Variants in MIA2 observed in about 807,000 individuals in gnomAD.
MIA2 encodes MIA SH3 domain ER export factor 2, also known as melanoma inhibitory activity protein 2.
MIA2 carries 127 observed loss-of-function variants against 167.8 expected under a neutral mutation model. The ratio of observed to expected loss-of-function variants is 0.76; its 90% CI spans 0.66 to 0.88. The LOEUF (loss-of-function observed/expected upper bound fraction) is 0.88, where lower values mean the gene tolerates loss of function less well. Among genes scored for constraint, MIA2 ranks in the 40% least tolerant of loss-of-function variants. The probability of loss-of-function intolerance (pLI) is 0.00; values close to 1 mark genes in which losing one functional copy is unlikely to be tolerated. For missense variants in MIA2, 1,690 were observed against 1,624.7 expected (o/e 1.04, Z -0.69); for synonymous variants, 552 against 541.9 (o/e 1.02, Z -0.26).
chr14:39,243,932 G>C (rs889751522), intron 3 of MIA2, among the ~76,000 whole-genome samples: 2 of 152,208 alleles, frequency 1.3e-5, no homozygotes, highest in Non-Finnish European at 2.9e-5. Context: ...TTTATGCTTA[G>C]CTTCAATAAA....
At chr14:39,371,661 G>A (rs1172968840) in intron 23 of MIA2, among the ~76,000 whole-genome samples, 1 of 152,192 alleles carries the variant, frequency 6.6e-6, no homozygotes, top group African/African-American at 2.4e-5. Flanking sequence ...GAGCAGTTAA[G>A]CATGTTATAC....
intron 25 of MIA2, among the ~76,000 whole-genome samples, chr14:39,341,768 T>C (rs535652530): frequency 1.3e-5 from 2 of 152,356 alleles, no homozygotes; most frequent in South Asian, 4.1e-4. Context: ...GTTTGAAATT[T>C]ATGGTCATAA....
At chr14:39,268,707 T>C (rs4899200) in intron 6 of MIA2, among the ~76,000 whole-genome samples, 103,566 of 152,018 alleles carry the variant, frequency 0.68, 35,625 homozygotes, top group East Asian at 0.8. Flanking sequence ...GATTAGATGT[T>C]AGGGAAACAA....
intron 23 of MIA2, among the ~76,000 whole-genome samples, chr14:39,369,824 ATTTTG>A (rs901558943): frequency 5.4e-5 from 8 of 148,532 alleles, no homozygotes; most frequent in Non-Finnish European, 8.9e-5. Context: ...ACTGAGCATT[ATTTTG>A]TTTTGTTTTG....
chr14:39,237,679 C>T (rs1459122115), intron 2 of MIA2, among the ~76,000 whole-genome samples: 4 of 152,066 alleles, frequency 2.6e-5, no homozygotes, highest in Non-Finnish European at 5.9e-5. Flanking sequence ...GGAGGGACTT[C>T]ATATTATGGG....
intron 24 of MIA2, among the ~76,000 whole-genome samples, chr14:39,325,420 T>C (rs2067295385): frequency 1.3e-5 from 2 of 149,690 alleles, no homozygotes. Context: ...CAGACTGGTG[T>C]GCAGTGGCAT....
intron 3 of MIA2, among the ~76,000 whole-genome samples, chr14:39,244,721 T>A (rs937218328): frequency 1.3e-5 from 2 of 152,090 alleles, no homozygotes; most frequent in East Asian, 1.9e-4. Flanking sequence ...AGCAAGTAGA[T>A]CCTCACTTCC....
chr14:39,301,312 A>T (rs1322769267), intron 14 of MIA2, among the ~76,000 whole-genome samples: 1 of 152,148 alleles, frequency 6.6e-6, no homozygotes, highest in Non-Finnish European at 1.5e-5. Flanking sequence ...TGATCCGCCC[A>T]CCTTAGCCTC....
intron 21 of MIA2, 41 bp downstream of exon 21, chr14:39,315,759 A>ATTT: frequency 7.7e-7 from 1 of 1,300,848 alleles, no homozygotes; most frequent in Non-Finnish European, 1.1e-6. Context: ...GTCAAATTGT[A>ATTT]TGTTTTTTTC....
chr14:39,365,673 A>G (rs911184552), intron 23 of MIA2, among the ~76,000 whole-genome samples: 5 of 132,472 alleles, frequency 3.8e-5, no homozygotes, highest in African/African-American at 1.9e-4. Flanking sequence ...CTATCTATCT[A>G]TCTATCTATC....
intron 23 of MIA2, 73 bp from the exon 24 acceptor site, chr14:39,320,855 G>A (rs1014682909): frequency 3.8e-5 from 57 of 1,512,650 alleles, no homozygotes; most frequent in African/African-American, 7.0e-5. Flanking sequence ...GGTAATTGTC[G>A]AAATGGGATT....
chr14:39,370,826 T>C (rs2074926506), intron 23 of MIA2: 1 of 153,342 alleles, frequency 6.5e-6, no homozygotes, highest in Non-Finnish European at 1.5e-5. Flanking sequence ...ACTTTTCCCG[T>C]TGCTTTGATC....
rs1397878336 is a variant in MIA2 at position 39,298,413 on chromosome 14, T to TTTTATATATATATATATATATATA, written c.2497-1450_2497-1449insTTATATATATATATATATATATAT. ...TTTACCTGTATCATCTGATTCTGTT[T>TTTTATATATATATATATATATATA]TATATATATATATATATATATATAT... On this transcript the variant is annotated intron_variant, in intron 13 of 28. Coordinates refer to ENST00000640607, the MANE Select transcript of MIA2 (RefSeq NM_001329214.4). Among the ~76,000 whole-genome samples the TTTTATATATATATATATATATATA allele has an allele frequency of 1.8e-3, 46 of 26,140 alleles. 1 individual carries two copies. The highest frequency in any genetic ancestry group is 5.0e-3 in the African/African-American group (36 of 7,196). The allele number at this position is 26,140 out of a possible 152,430, so 17.1% of individuals were successfully genotyped here. A position where few individuals can be genotyped will look rare whatever the true frequency, so the allele number is the denominator to read the frequency against.
At chr14:39,359,621 A>C (rs1228770324) in intron 23 of MIA2, among the ~76,000 whole-genome samples, 1 of 152,114 alleles carries the variant, frequency 6.6e-6, no homozygotes, top group Non-Finnish European at 1.5e-5. Flanking sequence ...GAAATGCAGA[A>C]ATCACCTGTC....
chr14:39,382,117 C>T (rs2075177584), intron 23 of MIA2, among the ~76,000 whole-genome samples: 1 of 152,204 alleles, frequency 6.6e-6, no homozygotes. Flanking sequence ...ACTGCCTGCT[C>T]TCCATCGTCA....
chr14:39,246,344 G>A (rs1037830968), intron 3 of MIA2, among the ~76,000 whole-genome samples: 2 of 132,060 alleles, frequency 1.5e-5, no homozygotes, highest in African/African-American at 2.6e-5. Flanking sequence ...CAATCCACCC[G>A]CCTGAGCCTC....
At chr14:39,346,519 G>C (rs2073285842) in intron 26 of MIA2, among the ~76,000 whole-genome samples, 1 of 151,934 alleles carries the variant, frequency 6.6e-6, no homozygotes, top group African/African-American at 2.4e-5. Context: ...CTACCTCATA[G>C]CAACCCATTA....
At chr14:39,338,731 A>G (rs974489565) in intron 25 of MIA2, among the ~76,000 whole-genome samples, 3 of 152,196 alleles carry the variant, frequency 2.0e-5, no homozygotes, top group African/African-American at 7.2e-5. Flanking sequence ...GTTAAGAAAA[A>G]ACACAAAAGT....
intron 8 of MIA2, 31 bp from the exon 9 acceptor site, chr14:39,279,416 TTA>T (rs1302210463): frequency 6.2e-7 from 1 of 1,601,504 alleles, no homozygotes; most frequent in East Asian, 2.2e-5. Context: ...TTATAATAAT[TTA>T]CTCATGGTAA....
Sources: allele counts gnomAD v4.1 joint callset (sites outside exome capture counted in the v4.1 genomes callset), GRCh38; gene constraint gnomAD v4.1.1; transcripts MANE v1.5; gene names NCBI Gene and HGNC (gene_info 2026-07-23, HGNC 2026-07-21).